Variants in PTPRD observed in about 807,000 individuals in gnomAD.
The protein encoded by PTPRD is protein tyrosine phosphatase receptor type D, also known as receptor-type tyrosine-protein phosphatase delta.
PTPRD carries 34 observed loss-of-function variants against 214.5 expected under a neutral mutation model. That is an observed-to-expected ratio of 0.16 (90% CI 0.12 to 0.21). The LOEUF is 0.21. Among genes scored for constraint, PTPRD ranks in the 10% least tolerant of loss-of-function variants. The probability of loss-of-function intolerance (pLI) is 1.00; values close to 1 mark genes in which losing one functional copy is unlikely to be tolerated. For synonymous variants in PTPRD, 1,128 were observed against 845.7 expected, an observed-to-expected ratio of 1.33 and a Z score of -5.79; for missense variants, 2,545 against 2,398.7, an observed-to-expected ratio of 1.06 and a Z score of -1.27.
At chr9:9,795,610 T>G (rs1024151858) in intron 5 of PTPRD, among the ~76,000 whole-genome samples, 1 of 152,196 alleles carries the variant, frequency 6.6e-6, no homozygotes, top group Non-Finnish European at 1.5e-5. Flanking sequence ...TATACAATTA[T>G]AAACATGTCA....
In PTPRD at chr9:9,750,535, A is replaced by C. The variant is rs553693078; in HGVS notation, c.-325-15964T>G. ...TTACCTCACCATAACCAATCTCAGT[A>C]AGAGTTCTTTAAAGCAAAGGGTGAG... is the stretch of plus-strand genomic sequence containing the variant. On this transcript the variant is annotated intron_variant, in intron 6 of 45. Coordinates refer to ENST00000381196, the MANE Select transcript of PTPRD (RefSeq NM_002839.4). 8.5e-5 allele frequency among the ~76,000 whole-genome samples: 13 copies of C among 152,226 alleles called. No individual in the cohort carries two copies. In the East Asian group the frequency reaches 2.5e-3, roughly 29 times the overall value.
intron 2 of PTPRD, among the ~76,000 whole-genome samples, chr9:10,367,174 G>C (rs2097532912): frequency 6.6e-6 from 1 of 151,570 alleles, no homozygotes; most frequent in African/African-American, 2.4e-5. Context: ...TTGAAAAATG[G>C]AATCACTTAG....
intron 11 of PTPRD, among the ~76,000 whole-genome samples, chr9:8,760,832 G>C (rs1179823547): frequency 6.6e-6 from 1 of 152,136 alleles, no homozygotes; most frequent in African/African-American, 2.4e-5. Context: ...AAGTAAAGTA[G>C]AAAGTAAATT....
chr9:10,590,859 T>A (rs2075264306), intron 2 of PTPRD, among the ~76,000 whole-genome samples: 1 of 151,314 alleles, frequency 6.6e-6, no homozygotes, highest in Admixed American at 6.6e-5. Context: ...AGGCAAATGT[T>A]ATATACTGAA....
chr9:8,880,348 G>T (rs1467355960), intron 11 of PTPRD, among the ~76,000 whole-genome samples: 1 of 152,126 alleles, frequency 6.6e-6, no homozygotes. Context: ...TCAATGCTAG[G>T]TCTGGCGCAT....
intron 9 of PTPRD, among the ~76,000 whole-genome samples, chr9:9,365,420 T>C (rs1257004764): frequency 2.6e-5 from 4 of 151,600 alleles, no homozygotes; most frequent in Non-Finnish European, 5.9e-5. Flanking sequence ...ACCTCTATTT[T>C]ACAATTTTTA....
chr9:10,198,759 T>A (rs1486292758), intron 3 of PTPRD, among the ~76,000 whole-genome samples: 1 of 152,140 alleles, frequency 6.6e-6, no homozygotes, highest in Non-Finnish European at 1.5e-5. Context: ...GAAAAATGAA[T>A]CCATTATTCC....
At chr9:9,461,343 C>A (rs1221865565) in intron 8 of PTPRD, among the ~76,000 whole-genome samples, 1 of 152,012 alleles carries the variant, frequency 6.6e-6, no homozygotes, top group Non-Finnish European at 1.5e-5. Flanking sequence ...AAAATCATAT[C>A]ATTGTCTAAT....
chr9:10,588,198 T>C (rs1204251463), intron 2 of PTPRD, among the ~76,000 whole-genome samples: 2 of 152,066 alleles, frequency 1.3e-5, no homozygotes, highest in African/African-American at 4.8e-5. Context: ...CAAAGAGATG[T>C]CAATGACAAA....
intron 3 of PTPRD, among the ~76,000 whole-genome samples, chr9:10,278,995 CG>C (rs1555027139): frequency 6.6e-6 from 1 of 152,058 alleles, no homozygotes; most frequent in Non-Finnish European, 1.5e-5. Flanking sequence ...AGGATGATCT[CG>C]ATCTCCTGGC....
intron 2 of PTPRD, among the ~76,000 whole-genome samples, chr9:10,347,503 T>C (rs201319117): frequency 1.4e-5 from 2 of 147,166 alleles, no homozygotes; most frequent in Non-Finnish European, 3.0e-5. Flanking sequence ...CTCTGCCCCC[T>C]GGGTTCAAGC....
At chr9:8,975,217 T>C (rs140231403) in intron 11 of PTPRD, among the ~76,000 whole-genome samples, 1,911 of 152,090 alleles carry the variant, frequency 0.013, 17 homozygotes, top group Admixed American at 0.019. Context: ...ACTTTACCCA[T>C]GTAAACAATT....
intron 35 of PTPRD, among the ~76,000 whole-genome samples, chr9:8,418,229 T>TTTTTTTTTTTTTTTA (rs2094095511): frequency 6.6e-6 from 1 of 152,026 alleles, no homozygotes; most frequent in African/African-American, 2.4e-5. Flanking sequence ...CTTTTCTTTT[T>TTTTTTTTTTTTTTTA]TTTTTGCTTC....
intron 11 of PTPRD, among the ~76,000 whole-genome samples, chr9:8,755,344 A>G (rs2093909785): frequency 6.6e-6 from 1 of 152,142 alleles, no homozygotes; most frequent in Non-Finnish European, 1.5e-5. Flanking sequence ...AGCCTGGCCA[A>G]CATGGTGAAA....
chr9:9,883,334 C>A (rs185982088), intron 5 of PTPRD, among the ~76,000 whole-genome samples: 4 of 151,950 alleles, frequency 2.6e-5, no homozygotes, highest in Admixed American at 2.6e-4. Flanking sequence ...CTGAGAGAAA[C>A]GCTAGAAATT....
chr9:9,080,118 T>C (rs2099756940), intron 10 of PTPRD, among the ~76,000 whole-genome samples: 1 of 152,066 alleles, frequency 6.6e-6, no homozygotes, highest in Non-Finnish European at 1.5e-5. Flanking sequence ...TCTATCACTG[T>C]ACTAGATCCC....
intron 10 of PTPRD, among the ~76,000 whole-genome samples, chr9:9,083,076 A>G (rs563989500): frequency 1.5e-4 from 23 of 152,316 alleles, no homozygotes; most frequent in Admixed American, 5.9e-4. Context: ...GGAACCAGAA[A>G]AGAACCTGTA....
At chr9:8,766,187 G>GA (rs5896254) in intron 11 of PTPRD, among the ~76,000 whole-genome samples, 6,735 of 121,806 alleles carry the variant, frequency 0.055, 368 homozygotes, top group African/African-American at 0.15. Flanking sequence ...TACCACTGAT[G>GA]AAAAAAAAAA....
intron 12 of PTPRD, among the ~76,000 whole-genome samples, chr9:8,725,094 G>A (rs1284650929): frequency 6.6e-6 from 1 of 152,136 alleles, no homozygotes; most frequent in Admixed American, 6.5e-5. Context: ...TAGGAAAACT[G>A]AATGAAAGCT....
Sources: allele counts gnomAD v4.1 joint callset (sites outside exome capture counted in the v4.1 genomes callset), GRCh38; gene constraint gnomAD v4.1.1; transcripts MANE v1.5; gene names NCBI Gene and HGNC (gene_info 2026-07-23, HGNC 2026-07-21).